The following SOS1 variants were observed in gnomAD, a reference collection of about 807,000 sequenced individuals.
SOS1 encodes the protein SOS Ras/Rac guanine nucleotide exchange factor 1.
In SOS1, 25 loss-of-function variants were observed where a neutral mutation model predicts 157.6. The observed-to-expected ratio is 0.16, with a 90% confidence interval of 0.12 to 0.22. SOS1 has a LOEUF of 0.22. Among genes scored for constraint, SOS1 ranks in the 10% least tolerant of loss-of-function variants. The pLI, the probability that SOS1 is intolerant of heterozygous loss-of-function variation, is 1.00. For missense variants in SOS1, 1,237 were observed against 1,599.1 expected (o/e 0.77, Z 3.86); for synonymous variants, 528 against 534.0 (o/e 0.99, Z 0.16).
In SOS1 at chr2:39,115,479, A is replaced by G. The variant is rs182443308; in HGVS notation, c.87+4857T>C. Among the ~76,000 whole-genome samples, 230 of 146,356 alleles carry G rather than the reference A, an allele frequency of 1.6e-3. 2 individuals are homozygous for G. The highest frequency in any genetic ancestry group is 9.5e-4 in the Non-Finnish European group (64 of 67,364). On this transcript the variant is annotated intron_variant, in intron 1 of 22. Coordinates refer to ENST00000402219, the MANE Select transcript of SOS1 (RefSeq NM_005633.4). ...GCCCAGGCTGGAGTGCAATAGCACA[A>G]TCACACCTCACTGCAGCCTTGACCT... is the stretch of plus-strand genomic sequence containing the variant.
In SOS1 at chr2:39,013,394, A is replaced by G. The variant is rs1428314766; in HGVS notation, c.2167+66T>C. Reference sequence around the variant, plus strand: ...ACATTACTGAGCCCCAATGACATCAATTGATAGTCACCGTGTTGGTACTTT... The same window carrying G: ...ACATTACTGAGCCCCAATGACATCAGTTGATAGTCACCGTGTTGGTACTTT... On this transcript the variant is annotated intron_variant, in intron 13 of 22. Transcript: ENST00000402219. 8 of 923,818 alleles carry G rather than the reference A, an allele frequency of 8.7e-6. No homozygotes were observed. The South Asian group carries it at 9.1e-5, about 11-fold the overall frequency. The allele number at this position is 923,818 out of a possible 1,614,324, so 57.2% of individuals were successfully genotyped here.
chr2:39,067,157 C>T (rs1167545927), intron 2 of SOS1, among the ~76,000 whole-genome samples: 1 of 152,036 alleles, frequency 6.6e-6, no homozygotes, highest in African/African-American at 2.4e-5. Context: ...ACTACAGGCA[C>T]ATGCCACCAT....
rs186894185 is a variant in SOS1 at position 39,054,207 on chromosome 2, G to A, written c.720+407C>T. Among the ~76,000 whole-genome samples, 53 of 152,318 alleles carry A rather than the reference G, an allele frequency of 3.5e-4. 1 individual carries two copies. The East Asian group carries it at 5.8e-3, about 17-fold the overall frequency. On this transcript the variant is annotated intron_variant, in intron 5 of 22. Transcript: ENST00000402219. ...CTCCCAAAGTGCTGGGATTACAGGC[G>A]TGAGCCACCGTGCCCAGCAGAACTG... is the stretch of plus-strand genomic sequence containing the variant.
At chr2:39,111,150 T>C (rs1189219994) in intron 1 of SOS1, among the ~76,000 whole-genome samples, 1 of 152,152 alleles carries the variant, frequency 6.6e-6, no homozygotes, top group Non-Finnish European at 1.5e-5. Context: ...GGAGAATCAC[T>C]TGAACCCAGG....
chr2:39,049,013 G>A (rs1670899223), intron 6 of SOS1, among the ~76,000 whole-genome samples: 1 of 152,018 alleles, frequency 6.6e-6, no homozygotes, highest in African/African-American at 2.4e-5. Flanking sequence ...CACCTCCTGG[G>A]TTCAAGTGAT....
chr2:39,091,970 T>G (rs1022242327), intron 1 of SOS1, among the ~76,000 whole-genome samples: 12 of 152,212 alleles, frequency 7.9e-5, no homozygotes, highest in Non-Finnish European at 1.5e-4. Flanking sequence ...CACCTCTTTC[T>G]TCTAAAATAA....
chr2:39,078,331 A>C (rs969505591), intron 1 of SOS1, among the ~76,000 whole-genome samples: 3 of 152,234 alleles, frequency 2.0e-5, no homozygotes, highest in African/African-American at 7.2e-5. Flanking sequence ...AAGAAATGTG[A>C]ATTTTCACCC....
intron 1 of SOS1, among the ~76,000 whole-genome samples, chr2:39,106,559 C>G (rs529484335): frequency 8.0e-4 from 116 of 145,416 alleles, no homozygotes; most frequent in African/African-American, 2.6e-3. Context: ...CCACTGCACT[C>G]CAGCCTGGGC....
At chr2:39,111,167 A>C (rs1215300226) in intron 1 of SOS1, among the ~76,000 whole-genome samples, 1 of 152,200 alleles carries the variant, frequency 6.6e-6, no homozygotes, top group Non-Finnish European at 1.5e-5. Flanking sequence ...CAGGAGGCGG[A>C]GGTTACAGTG....
At chr2:39,016,167 A>G (rs1298243223) in intron 10 of SOS1, among the ~76,000 whole-genome samples, 2 of 152,072 alleles carry the variant, frequency 1.3e-5, no homozygotes, top group African/African-American at 2.4e-5. Context: ...TATACTTCCA[A>G]TCTATTGATA....
At chr2:39,069,267 C>G (rs577901738) in intron 1 of SOS1, among the ~76,000 whole-genome samples, 1 of 145,150 alleles carries the variant, frequency 6.9e-6, no homozygotes, top group Admixed American at 7.0e-5. Context: ...CCCACCTACT[C>G]CAGAGGCTGA....
At position 38,987,532 on chromosome 2, in the gene SOS1, GAGGGACAGGCACTTCATC is replaced by G. The variant is rs760150032; in HGVS notation, c.3433_3450del (p.Asp1145_Pro1150del). On this transcript the variant is annotated inframe_deletion, in exon 22 of 23. Transcript: ENST00000402219. ...GGTCGTCTTCGTGGAGGAACAGGAG[GAGGGACAGGCACTTCATC>G]AGTGCCTTTGGTTAAACTTATAGAT... 1 of 1,606,870 alleles carries G rather than the reference GAGGGACAGGCACTTCATC, an allele frequency of 6.2e-7. No homozygotes were observed. Among genetic ancestry groups the G allele is most frequent in the Non-Finnish European group, 8.5e-7 (1 of 1,175,098 alleles).
rs1246254314 is a variant in SOS1 at position 39,007,029 on chromosome 2, A to G, written c.2673+2T>C. The G allele has an allele frequency of 6.2e-7, 1 of 1,601,058 alleles. No homozygotes were observed. The highest frequency in any genetic ancestry group is 8.6e-7 in the Non-Finnish European group (1 of 1,168,560). ...ATTTTAAAAACACATGTAGAAACCTACCTCAAATGTGTGGTCTAGTCTGTA... is the reference window on the plus strand; with the variant it reads ...ATTTTAAAAACACATGTAGAAACCTGCCTCAAATGTGTGGTCTAGTCTGTA... On this transcript the variant is annotated splice_donor_variant, in intron 16 of 22. Transcript: ENST00000402219. LOFTEE classifies it high-confidence loss of function.
At chr2:39,098,865 G>A (rs1233064971) in intron 1 of SOS1, among the ~76,000 whole-genome samples, 2 of 152,028 alleles carry the variant, frequency 1.3e-5, no homozygotes, top group African/African-American at 4.8e-5. Flanking sequence ...CTCCAGCCAG[G>A]GCAACAAAGC....
At chr2:39,121,475 A>AGTACTGCTC (rs1673893388), upstream of SOS1, among the ~76,000 whole-genome samples, 3 of 152,234 alleles carry the variant, frequency 2.0e-5, no homozygotes, top group Admixed American at 2.0e-4. Flanking sequence ...TGAGTAGTAG[A>AGTACTGCTC]AGTGATTGCG....
In SOS1 at chr2:39,006,458, A is replaced by G. The variant is rs542170980; in HGVS notation, c.2745T>C (p.Tyr915=). The G allele has an allele frequency of 5.6e-6, 9 of 1,607,898 alleles. No individual in the cohort carries two copies. The highest frequency in any genetic ancestry group is 1.3e-5 in the African/African-American group (1 of 74,904). ...HELSEDHYKK[Y]LAKLRSINPP... ...GATTAATAGACCTGAGTTTTGCCAA[A>G]TATTTCTTATAGTGATCTTCACTCA... Residue 915 remains tyrosine, a synonymous_variant, in exon 17 of 23, where the codon TAT becomes TAC. Coordinates refer to ENST00000402219, the MANE Select transcript of SOS1 (RefSeq NM_005633.4).
At chr2:39,020,398 A>T (rs529939810) in intron 10 of SOS1, among the ~76,000 whole-genome samples, 2 of 151,824 alleles carry the variant, frequency 1.3e-5, no homozygotes, top group East Asian at 3.9e-4. Context: ...TATTCATTAA[A>T]TTTTCTCATG....
At chr2:39,053,702 C>A (rs1409724235) in intron 5 of SOS1, among the ~76,000 whole-genome samples, 1 of 151,964 alleles carries the variant, frequency 6.6e-6, no homozygotes, top group Non-Finnish European at 1.5e-5. Flanking sequence ...TTCCTGTGAC[C>A]GTCTCACCTG....
At chr2:39,059,603 A>G (rs1409885093) in intron 2 of SOS1, among the ~76,000 whole-genome samples, 1 of 152,236 alleles carries the variant, frequency 6.6e-6, no homozygotes, top group African/African-American at 2.4e-5. Context: ...ATGAGTATTC[A>G]ACTAGTATGT....
Sources: gnomAD v4.1 joint callset for allele counts (sites outside exome capture counted in the v4.1 genomes callset) on GRCh38, gnomAD v4.1.1 for gene constraint, MANE v1.5 for transcripts, NCBI Gene and HGNC (gene_info 2026-07-23, HGNC 2026-07-21) for gene names.